PIK3C3: variants seen among roughly 807,000 people sequenced by gnomAD.
The protein encoded by PIK3C3 is phosphatidylinositol 3-kinase catalytic subunit type 3, also known as PI3-kinase type 3.
Under a neutral mutation model 126.1 loss-of-function variants are expected in PIK3C3, and 95 were observed. That is an observed-to-expected ratio of 0.75 (90% CI 0.64 to 0.89). PIK3C3 has a LOEUF of 0.89. Among genes scored for constraint, PIK3C3 ranks in the 40% least tolerant of loss-of-function variants. The pLI is 0.00. For synonymous variants in PIK3C3, 374 were observed against 360.0 expected (o/e 1.04, Z -0.44); for missense variants, 829 against 1,063.2 (o/e 0.78, Z 3.06).
intron 7 of PIK3C3, among the ~76,000 whole-genome samples, chr18:41,993,698 T>A (rs1386259040): frequency 1.3e-5 from 2 of 151,998 alleles, no homozygotes; most frequent in Non-Finnish European, 2.9e-5. Context: ...GAAGGAGAAT[T>A]TGCCTGTTAC....
intron 4 of PIK3C3, chr18:41,985,085 T>G (rs1166085544): frequency 6.6e-6 from 1 of 152,064 alleles, no homozygotes; most frequent in Non-Finnish European, 1.5e-5. Context: ...AAGCCCACCC[T>G]TTATCACCAA....
intron 13 of PIK3C3, chr18:42,026,223 A>G (rs1327630849): frequency 6.6e-6 from 1 of 152,180 alleles, no homozygotes; most frequent in Non-Finnish European, 1.5e-5. Flanking sequence ...AGCCCCTCTA[A>G]GTTTCACTAT....
At chr18:42,076,129 T>TATGCGC (rs1985991159) in intron 24 of PIK3C3, among the ~76,000 whole-genome samples, 1 of 81,728 alleles carries the variant, frequency 1.2e-5, no homozygotes, top group African/African-American at 8.7e-5. Flanking sequence ...TATGCGCATA[T>TATGCGC]ATATATATAT....
At chr18:42,033,763 ACT>A in intron 15 of PIK3C3, 61 bp from the exon 16 acceptor site, 1 of 1,244,770 alleles carries the variant, frequency 8.0e-7, no homozygotes, top group Non-Finnish European at 1.1e-6. Context: ...TTATGTCTTT[ACT>A]ATATGTTTTA....
chr18:42,078,267 C>T (rs1403298968), intron 24 of PIK3C3, among the ~76,000 whole-genome samples: 3 of 150,954 alleles, frequency 2.0e-5, no homozygotes, highest in Non-Finnish European at 4.4e-5. Context: ...GTCCCAGCTA[C>T]TCGGGAGGCT....
At chr18:42,048,187 T>C (rs1984640692) in intron 20 of PIK3C3, among the ~76,000 whole-genome samples, 1 of 152,226 alleles carries the variant, frequency 6.6e-6, no homozygotes, top group Non-Finnish European at 1.5e-5. Flanking sequence ...CATAAGAGTT[T>C]ATTTTCTCTT....
Position 42,012,371 on chromosome 18 carries a change from A to G in PIK3C3, c.1171-1071A>G, listed in dbSNP as rs143801213. ...ACAAATAGGAAAGTGTGGACCATCA[A>G]ATATTTACAGGAGACTTAACCTGGT... On this transcript the variant is annotated intron_variant, in intron 10 of 24. Transcript: ENST00000262039. Among the ~76,000 whole-genome samples, 499 of 152,284 alleles carry G rather than the reference A, an allele frequency of 3.3e-3. 1 individual carries two copies. Among genetic ancestry groups the G allele is most frequent in the African/African-American group, 0.011 (469 of 41,560 alleles).
intron 9 of PIK3C3, among the ~76,000 whole-genome samples, chr18:41,997,759 C>T (rs1464956703): frequency 6.6e-6 from 1 of 152,090 alleles, no homozygotes; most frequent in African/African-American, 2.4e-5. Flanking sequence ...GATTAGGGGA[C>T]CTGTGCAGAC....
At chr18:41,969,820 C>T (rs1448091493) in intron 3 of PIK3C3, among the ~76,000 whole-genome samples, 1 of 151,994 alleles carries the variant, frequency 6.6e-6, no homozygotes, top group Admixed American at 6.6e-5. Context: ...AAGAGGAAAC[C>T]GAGGTACAGA....
At chr18:42,023,539 C>G (rs2144425472) in intron 13 of PIK3C3, among the ~76,000 whole-genome samples, 1 of 152,340 alleles carries the variant, frequency 6.6e-6, no homozygotes, top group South Asian at 2.1e-4. Context: ...TATGCTGTGT[C>G]TATTCATTCC....
intron 9 of PIK3C3, among the ~76,000 whole-genome samples, chr18:42,001,022 A>G (rs1982262518): frequency 2.0e-5 from 3 of 152,298 alleles, no homozygotes; most frequent in Non-Finnish European, 4.4e-5. Context: ...GCAGCAAAAT[A>G]GACATTTCTG....
Position 42,037,837 on chromosome 18 carries a change from G to A in PIK3C3, c.1968+17G>A. Reference sequence around the variant, plus strand: ...ATGGACAAGGTGAACATGACCTTATGTTGGTGGGGAACATTTTTTTCGTTT... The same window carrying A: ...ATGGACAAGGTGAACATGACCTTATATTGGTGGGGAACATTTTTTTCGTTT... On this transcript the variant is annotated intron_variant, in intron 17 of 24. Coordinates refer to ENST00000262039, the MANE Select transcript of PIK3C3 (RefSeq NM_002647.4). The A allele has an allele frequency of 2.5e-6, 4 of 1,592,382 alleles. No homozygotes were observed. Among genetic ancestry groups the A allele is most frequent in the Non-Finnish European group, 3.4e-6 (4 of 1,165,590 alleles).
intron 4 of PIK3C3, among the ~76,000 whole-genome samples, chr18:41,983,998 T>C (rs1981340656): frequency 6.6e-6 from 1 of 151,916 alleles, no homozygotes; most frequent in African/African-American, 2.4e-5. Context: ...AAACTCTTTG[T>C]GACTTCCTGT....
chr18:42,037,904 A>G, intron 17 of PIK3C3, 84 bp downstream of exon 17: 2 of 1,258,130 alleles, frequency 1.6e-6, no homozygotes, highest in Non-Finnish European at 2.2e-6. Flanking sequence ...TATGGAACAG[A>G]AGTATTTGTA....
intron 12 of PIK3C3, among the ~76,000 whole-genome samples, chr18:42,016,224 A>G (rs1212260062): frequency 6.6e-6 from 1 of 152,158 alleles, no homozygotes; most frequent in African/African-American, 2.4e-5. Flanking sequence ...GTAATTGTTA[A>G]TGGCTGAATG....
intron 4 of PIK3C3, among the ~76,000 whole-genome samples, chr18:41,979,526 AT>A (rs1371347503): frequency 6.6e-6 from 1 of 152,180 alleles, no homozygotes; most frequent in Non-Finnish European, 1.5e-5. Context: ...CAAATTGATG[AT>A]TTATATGAAT....
rs762776329 is a variant in PIK3C3, at chr18:41,970,472, T to G, written c.531+16T>G. ...TCTTGCCAAGGTAAAAAAAGTCATTTGGAACAGGTGCAAAGCTCTGACTGA... is the reference window on the plus strand; with the variant it reads ...TCTTGCCAAGGTAAAAAAAGTCATTGGGAACAGGTGCAAAGCTCTGACTGA... On this transcript the variant is annotated intron_variant, in intron 4 of 24. Coordinates refer to ENST00000262039, the MANE Select transcript of PIK3C3 (RefSeq NM_002647.4). 6.2e-7 allele frequency: 1 copy of G among 1,611,904 alleles called. No individual in the cohort carries two copies. Among genetic ancestry groups the G allele is most frequent in the South Asian group, 1.1e-5 (1 of 91,028 alleles).
chr18:42,047,985 C>T (rs1984629678), intron 20 of PIK3C3, among the ~76,000 whole-genome samples: 1 of 152,164 alleles, frequency 6.6e-6, no homozygotes, highest in Admixed American at 6.5e-5. Flanking sequence ...AATGCTTAAA[C>T]CAGTGTGTAA....
At chr18:42,062,406 C>T (rs1232055652) in intron 22 of PIK3C3, among the ~76,000 whole-genome samples, 1 of 151,932 alleles carries the variant, frequency 6.6e-6, no homozygotes, top group Non-Finnish European at 1.5e-5. Context: ...CAGCCCAACA[C>T]AAATTCATAA....
Sources: gnomAD v4.1 joint callset for allele counts (sites outside exome capture counted in the v4.1 genomes callset) on GRCh38, gnomAD v4.1.1 for gene constraint, MANE v1.5 for transcripts, NCBI Gene and HGNC (gene_info 2026-07-23, HGNC 2026-07-21) for gene names.